Variants in ABL2 observed in about 807,000 individuals in gnomAD.
ABL2 encodes the protein tyrosine-protein kinase ABL2.
A neutral mutation model predicts 107.7 loss-of-function variants in ABL2; 49 were observed. That is an observed-to-expected ratio of 0.45 (90% CI 0.36 to 0.58). ABL2 has a LOEUF of 0.58. Among genes scored for constraint, ABL2 ranks in the 20% least tolerant of loss-of-function variants. The probability of loss-of-function intolerance (pLI) is 0.00; values close to 1 mark genes in which losing one functional copy is unlikely to be tolerated. For synonymous variants in ABL2, 549 were observed against 548.6 expected, an observed-to-expected ratio of 1.00 and a Z score of -0.01; for missense variants, 1,245 against 1,457.0, an observed-to-expected ratio of 0.85 and a Z score of 2.37.
chr1:179,108,394 A>G lies in ABL2; in HGVS notation c.2873T>C (p.Phe958Ser). The G allele has an allele frequency of 1.2e-6, 2 of 1,614,162 alleles. No homozygotes were observed. The highest frequency in any genetic ancestry group is 1.7e-6 in the Non-Finnish European group (2 of 1,180,024). ...LIGTDSQGNK[F>S]KLLSEHQVTS... is the part of the protein sequence containing the mutation. ...GACCTGATGCTCAGATAAGAGCTTG[A>G]ATTTATTCCCCTGAGAGTCTGTGCC... The change falls in exon 12 of 12, where the codon TTC becomes TCC. Residue 958 changes from phenylalanine to serine, a missense_variant. Around this residue, in one of 3 missense-constraint regions of ABL2, gnomAD observed 761 missense variants for 766.4 expected, o/e 0.99. Transcript: ENST00000502732.
At chr1:179,147,881 G>C (rs1411531209) in intron 1 of ABL2, among the ~76,000 whole-genome samples, 1 of 152,094 alleles carries the variant, frequency 6.6e-6, no homozygotes, top group African/African-American at 2.4e-5. Context: ...CTCAGCTTTT[G>C]CAAGATTAAC....
At chr1:179,144,453 C>A (rs892731506) in intron 1 of ABL2, among the ~76,000 whole-genome samples, 1 of 151,930 alleles carries the variant, frequency 6.6e-6, no homozygotes, top group Non-Finnish European at 1.5e-5. Flanking sequence ...GAGCGAGACT[C>A]CATCTCAAAA....
chr1:179,208,853 T>A (rs1158687800), intron 1 of ABL2, among the ~76,000 whole-genome samples: 1 of 152,244 alleles, frequency 6.6e-6, no homozygotes, highest in East Asian at 1.9e-4. Flanking sequence ...TATGCCTTGT[T>A]CTGAAAACTG....
At chr1:179,141,188 G>C (rs1657555276) in intron 1 of ABL2, among the ~76,000 whole-genome samples, 1 of 151,694 alleles carries the variant, frequency 6.6e-6, no homozygotes, top group Admixed American at 6.6e-5. Flanking sequence ...CAGCTACCCA[G>C]GAAGCTGAGG....
In ABL2 at chr1:179,099,388, T is replaced by G. The variant is rs1652911284; in HGVS notation, c.*8330A>C. 4.8e-6 allele frequency: 1 copy of G among 207,822 alleles called. No individual in the cohort carries two copies. The highest frequency in any genetic ancestry group is 7.3e-5 in the East Asian group (1 of 13,650). 12.9% of individuals were successfully genotyped at this position (207,822 alleles called of 1,614,324 possible). On this transcript the variant is annotated 3_prime_UTR_variant, in exon 12 of 12. Transcript: ENST00000502732. ...ACAGAACACAACTTGGCAAACCTTG[T>G]GAGAAGACAGAGAAAGCAGTCCCTT...
intron 1 of ABL2, among the ~76,000 whole-genome samples, chr1:179,188,216 C>G (rs912076692): frequency 3.3e-5 from 5 of 152,110 alleles, no homozygotes; most frequent in African/African-American, 1.2e-4. Flanking sequence ...AAACGTTACC[C>G]CATCAGAGGC....
chr1:179,121,739 A>G lies in ABL2; in HGVS notation c.816T>C (p.Tyr272=). 6.2e-7 allele frequency: 1 copy of G among 1,614,038 alleles called. No homozygotes were observed. Among genetic ancestry groups the G allele is most frequent in the African/African-American group, 1.3e-5 (1 of 74,982 alleles). Residue 272 remains tyrosine (Y), a synonymous_variant, in exon 5 of 12, where the codon TAT becomes TAC. Transcript: ENST00000502732. ...PAPKCNKPTV[Y]GVSPIHDKWE... ...ATTTGTCGTGGATGGGGGACACACC[A>G]TAGACTGTAGGCTTATTACACTTGG...
Position 179,223,497 on chromosome 1 carries a change from C to T in ABL2, c.157+5744G>A, listed in dbSNP as rs560555851. Among the ~76,000 whole-genome samples, 4 of 151,740 alleles carry T rather than the reference C, an allele frequency of 2.6e-5. No homozygotes were observed. The South Asian group carries it at 8.3e-4, about 32-fold the overall frequency. Reference sequence around the variant, plus strand: ...ACCCTTACAGAGAAACTTCAGACTTCATCACTTTACTTGGAATTTTACTGC... The same window carrying T: ...ACCCTTACAGAGAAACTTCAGACTTTATCACTTTACTTGGAATTTTACTGC... On this transcript the variant is annotated intron_variant, in intron 1 of 11. Transcript: ENST00000502732.
At chr1:179,201,684 T>C (rs1411192119) in intron 1 of ABL2, 33 of 596,174 alleles carry the variant, frequency 5.5e-5, no homozygotes, top group Middle Eastern at 5.6e-4. Context: ...TGCTGAAGAG[T>C]TGTCTTTCTT....
chr1:179,169,277 G>A (rs1292481356), intron 1 of ABL2, among the ~76,000 whole-genome samples: 3 of 152,048 alleles, frequency 2.0e-5, no homozygotes, highest in African/African-American at 4.8e-5. Context: ...GGCCGGGTGC[G>A]GTGGCTCACG....
At position 179,126,801 on chromosome 1, in the gene ABL2, T is replaced by G; in HGVS notation, c.392-129A>C. On this transcript the variant is annotated intron_variant, in intron 3 of 11. Transcript: ENST00000502732. This position sits in a 1 kb window ranked among gnomAD's most constrained non-coding sequence, Gnocchi z 4.4. ...TCTAGAACTTTTATGCCAAATTTTT[T>G]TTTTAAATAATGAAAACAAACTTGG... 1 of 1,035,304 alleles carries G rather than the reference T, an allele frequency of 9.7e-7. No individual in the cohort carries two copies. The highest frequency in any genetic ancestry group is 1.4e-6 in the Non-Finnish European group (1 of 734,696). The allele number at this position is 1,035,304 out of a possible 1,614,324, so 64.1% of individuals were successfully genotyped here.
intron 1 of ABL2, among the ~76,000 whole-genome samples, chr1:179,168,390 T>C (rs1012312895): frequency 2.6e-5 from 4 of 152,370 alleles, no homozygotes; most frequent in South Asian, 2.1e-4. Flanking sequence ...TGTTATTTTT[T>C]TTTTCCGTTG....
intron 1 of ABL2, among the ~76,000 whole-genome samples, chr1:179,187,265 T>C (rs1053007969): frequency 8.5e-5 from 13 of 152,232 alleles, no homozygotes; most frequent in African/African-American, 2.7e-4. Flanking sequence ...TTCAAACATA[T>C]TATTCTGTCA....
chr1:179,174,906 AAAT>A (rs1481522457), intron 1 of ABL2, among the ~76,000 whole-genome samples: 3,228 of 109,650 alleles, frequency 0.029, 125 homozygotes, highest in African/African-American at 0.059. Context: ...AAAAAAAAAA[AAAT>A]AAAATAAAAA....
chr1:179,132,999 C>T (rs1405796487), intron 2 of ABL2, among the ~76,000 whole-genome samples: 1 of 151,992 alleles, frequency 6.6e-6, no homozygotes, highest in Non-Finnish European at 1.5e-5. Flanking sequence ...GGTGGGATTA[C>T]AGGTGCACGC....
At chr1:179,113,915 CAG>C (rs1654353888) in intron 9 of ABL2, among the ~76,000 whole-genome samples, 1 of 149,538 alleles carries the variant, frequency 6.7e-6, no homozygotes, top group African/African-American at 2.5e-5. Flanking sequence ...GCCTGGGCGA[CAG>C]AGCGAGACTC....
In ABL2 at chr1:179,106,976, C is replaced by G. The variant is rs1421132259; in HGVS notation, c.*742G>C. 2.6e-5 allele frequency: 6 copies of G among 229,848 alleles called. No individual in the cohort carries two copies. Among genetic ancestry groups the G allele is most frequent in the Non-Finnish European group, 5.2e-5 (6 of 115,994 alleles). 14.2% of individuals were successfully genotyped at this position (229,848 alleles called of 1,614,324 possible). A position where few individuals can be genotyped will look rare whatever the true frequency, so the allele number is the denominator to read the frequency against. The stretch of plus-strand genomic sequence containing the variant: ...AGATAGCCACCAACAGGCAGGAAGC[C>G]GATCCTGGTCCATTATGAAATAATA... On this transcript the variant is annotated 3_prime_UTR_variant, in exon 12 of 12. Transcript: ENST00000502732.
At chr1:179,152,088 G>A (rs1450569632) in intron 1 of ABL2, among the ~76,000 whole-genome samples, 1 of 151,996 alleles carries the variant, frequency 6.6e-6, no homozygotes, top group African/African-American at 2.4e-5. Flanking sequence ...CCAAATTCAA[G>A]GCCAGATCAA....
intron 9 of ABL2, among the ~76,000 whole-genome samples, chr1:179,113,554 T>C (rs953611482): frequency 6.6e-6 from 1 of 152,078 alleles, no homozygotes; most frequent in Non-Finnish European, 1.5e-5. Context: ...AATCCCAGCA[T>C]TTTGGGAGAC....
Sources: allele counts gnomAD v4.1 joint callset (sites outside exome capture counted in the v4.1 genomes callset), GRCh38; gene constraint gnomAD v4.1.1; regional missense constraint gnomAD v4.1.1; non-coding constraint Gnocchi (gnomAD v3.1); transcripts MANE v1.5; gene names NCBI Gene and HGNC (gene_info 2026-07-23, HGNC 2026-07-21).